The following ARL8B variants were observed in gnomAD, a reference collection of about 807,000 sequenced individuals.
ARL8B encodes the protein ADP-ribosylation factor-like protein 8B.
In ARL8B, 9 loss-of-function variants were observed where a neutral mutation model predicts 30.6. The observed-to-expected ratio is 0.29, with a 90% CI of 0.18 to 0.51. ARL8B has a LOEUF of 0.51. Ranked by LOEUF, ARL8B falls within the 20% of genes least tolerant of loss-of-function variation. ARL8B has a pLI of 0.97. For missense variants in ARL8B, 130 were observed against 227.2 expected (o/e 0.57, Z 2.75); for synonymous variants, 74 against 76.0 (o/e 0.97, Z 0.14).
At chr3:5,137,229 C>A (rs1200931573) in intron 1 of ARL8B, among the ~76,000 whole-genome samples, 3 of 151,906 alleles carry the variant, frequency 2.0e-5, no homozygotes, top group Non-Finnish European at 4.4e-5. Flanking sequence ...CAGTGACTGG[C>A]ATAGAATGAG....
intron 1 of ARL8B, among the ~76,000 whole-genome samples, chr3:5,153,452 C>G (rs1382655830): frequency 6.6e-6 from 1 of 152,106 alleles, no homozygotes; most frequent in Non-Finnish European, 1.5e-5. Flanking sequence ...CTCCTGCTTG[C>G]CTTCCACCGT....
chr3:5,172,043 T>C lies in ARL8B; in HGVS notation c.205-107T>C, dbSNP rs113873889. On this transcript the variant is annotated intron_variant, in intron 2 of 6. Transcript: ENST00000256496. ...TTCAGGAGCACTTTGCCTCTAACAT[T>C]GTAGAAATAAATATATCTTCCCGAT... The C allele has an allele frequency of 2.2e-3, 2,417 of 1,091,420 alleles. 36 individuals carry two copies. In the African/African-American group the frequency reaches 0.033, roughly 15 times the overall value. The allele number at this position is 1,091,420 out of a possible 1,614,324, so 67.6% of individuals were successfully genotyped here.
intron 1 of ARL8B, among the ~76,000 whole-genome samples, chr3:5,144,913 C>T (rs1381253974): frequency 6.6e-6 from 1 of 152,150 alleles, no homozygotes; most frequent in African/African-American, 2.4e-5. Context: ...TGTGTACCAC[C>T]CCATAGGCAT....
chr3:5,139,085 T>A (rs980451357), intron 1 of ARL8B, among the ~76,000 whole-genome samples: 1 of 152,200 alleles, frequency 6.6e-6, no homozygotes, highest in Non-Finnish European at 1.5e-5. Context: ...AATAATATTT[T>A]AAAAAATTGT....
At chr3:5,159,602 C>CAAAAAAAAAA (rs71053495) in intron 1 of ARL8B, among the ~76,000 whole-genome samples, 1 of 77,062 alleles carries the variant, frequency 1.3e-5, no homozygotes, top group African/African-American at 4.7e-5. Context: ...AACTCCGTCT[C>CAAAAAAAAAA]AAAAAAAAAA....
At chr3:5,139,987 G>GTTTTT (rs375903438) in intron 1 of ARL8B, among the ~76,000 whole-genome samples, 10 of 130,028 alleles carry the variant, frequency 7.7e-5, no homozygotes, top group African/African-American at 2.9e-4. Flanking sequence ...GATTAGTTTT[G>GTTTTT]TTTTTTTTTT....
rs542587144 is a variant in ARL8B at position 5,144,676 on chromosome 3, A to T, written c.123+22088A>T. Among the ~76,000 whole-genome samples the T allele has an allele frequency of 3.0e-4, 45 of 152,296 alleles. 1 individual carries two copies. The highest frequency in any genetic ancestry group is 2.9e-3 in the South Asian group (14 of 4,826). ...CCTTAGGGATGTCTGGGATCAGGCT[A>T]AATAGTCTAATTTCTTCCTCCAGGG... On this transcript the variant is annotated intron_variant, in intron 1 of 6. Coordinates refer to ENST00000256496, the MANE Select transcript of ARL8B (RefSeq NM_018184.3).
intron 4 of ARL8B, 67 bp from the exon 5 acceptor site, chr3:5,173,950 A>G: frequency 8.6e-7 from 1 of 1,164,444 alleles, no homozygotes; most frequent in Non-Finnish European, 1.3e-6. Context: ...TTCACATATC[A>G]AGATGATAAA....
intron 1 of ARL8B, 135 bp from the exon 2 acceptor site, chr3:5,170,368 T>C: frequency 4.2e-6 from 2 of 478,346 alleles, no homozygotes; most frequent in Middle Eastern, 3.0e-4. Flanking sequence ...ATAAGGAACA[T>C]GTTCTTAAAG....
At position 5,124,179 on chromosome 3, in the gene ARL8B, A is replaced by G. The variant is rs182649333; in HGVS notation, c.123+1591A>G. ...CCACCGCGCCTGGCCTCCTATTGTA[A>G]TATTATGATTTTTTGCGCTTGGAAT... On this transcript the variant is annotated intron_variant, in intron 1 of 6. Coordinates refer to ENST00000256496, the MANE Select transcript of ARL8B (RefSeq NM_018184.3). 3.3e-5 allele frequency among the ~76,000 whole-genome samples: 5 copies of G among 151,694 alleles called. No individual in the cohort carries two copies. In the East Asian group the frequency reaches 9.7e-4, roughly 29 times the overall value.
intron 1 of ARL8B, among the ~76,000 whole-genome samples, chr3:5,160,496 A>G (rs1575570628): frequency 1.3e-5 from 2 of 152,328 alleles, no homozygotes; most frequent in East Asian, 3.9e-4. Context: ...CAGGCTCCTA[A>G]TTGAAATTGT....
At chr3:5,123,394 G>A (rs956319071) in intron 1 of ARL8B, among the ~76,000 whole-genome samples, 1 of 152,222 alleles carries the variant, frequency 6.6e-6, no homozygotes, top group African/African-American at 2.4e-5. Flanking sequence ...AAATTGCACT[G>A]AGGACTTACA....
chr3:5,129,508 A>G (rs2054262776), intron 1 of ARL8B, among the ~76,000 whole-genome samples: 1 of 152,258 alleles, frequency 6.6e-6, no homozygotes, highest in East Asian at 1.9e-4. Flanking sequence ...GTTCCTTTTT[A>G]TATTTCAGCA....
At chr3:5,134,678 C>CA (rs1370273367) in intron 1 of ARL8B, among the ~76,000 whole-genome samples, 1 of 152,166 alleles carries the variant, frequency 6.6e-6, no homozygotes. Context: ...GTTGAAAAGA[C>CA]AAAGTGTGAT....
chr3:5,170,264 T>TA (rs1484463736), intron 1 of ARL8B, among the ~76,000 whole-genome samples: 1 of 152,222 alleles, frequency 6.6e-6, no homozygotes, highest in Non-Finnish European at 1.5e-5. Flanking sequence ...AGGAAATATG[T>TA]AAAAAATTAC....
intron 1 of ARL8B, among the ~76,000 whole-genome samples, chr3:5,150,030 A>G (rs2054465886): frequency 6.6e-6 from 1 of 152,178 alleles, no homozygotes; most frequent in South Asian, 2.1e-4. Context: ...TTGTTTTAGG[A>G]CAGTGTGTCA....
intron 1 of ARL8B, among the ~76,000 whole-genome samples, chr3:5,132,989 G>A (rs1393487937): frequency 1.3e-5 from 2 of 152,138 alleles, no homozygotes; most frequent in African/African-American, 4.8e-5. Flanking sequence ...AAGAGTAGAG[G>A]AATTTCATTT....
At chr3:5,157,109 TG>T (rs2054540510) in intron 1 of ARL8B, 1 of 152,256 alleles carries the variant, frequency 6.6e-6, no homozygotes, top group Non-Finnish European at 1.5e-5. Flanking sequence ...CCACCTTCTA[TG>T]GGCTTTGGTT....
chr3:5,178,520 A>G, intron 6 of ARL8B, 144 bp from the exon 7 acceptor site: 1 of 625,182 alleles, frequency 1.6e-6, no homozygotes, highest in Non-Finnish European at 2.6e-6. Flanking sequence ...AAGTTCGGGT[A>G]ATGGAGTATG....
Sources: gnomAD v4.1 joint callset for allele counts (sites outside exome capture counted in the v4.1 genomes callset) on GRCh38, gnomAD v4.1.1 for gene constraint, MANE v1.5 for transcripts, NCBI Gene and HGNC (gene_info 2026-07-23, HGNC 2026-07-21) for gene names.